TRAPPC10: variants seen among roughly 807,000 people sequenced by gnomAD.
The protein encoded by TRAPPC10 is trafficking protein particle complex subunit 10.
A neutral mutation model predicts 125.5 loss-of-function variants in TRAPPC10; 23 were observed. The observed-to-expected ratio is 0.18, with a 90% confidence interval of 0.13 to 0.26. The LOEUF is 0.26. Ranked by LOEUF, TRAPPC10 falls within the 10% of genes least tolerant of loss-of-function variation. The pLI is 1.00. For synonymous variants in TRAPPC10, 509 were observed against 518.0 expected, an observed-to-expected ratio of 0.98 and a Z score of 0.24; for missense variants, 1,123 against 1,308.4, an observed-to-expected ratio of 0.86 and a Z score of 2.19.
At position 44,087,897 on chromosome 21, in the gene TRAPPC10, C is replaced by T. The variant is rs1346529368; in HGVS notation, c.2738C>T (p.Thr913Ile). The T allele has an allele frequency of 6.2e-7, 1 of 1,613,960 alleles. No homozygotes were observed. The highest frequency in any genetic ancestry group is 8.5e-7 in the Non-Finnish European group (1 of 1,180,018). ...PHRKHKDKQR[T>I]GRCMVTTDHK... ...AGGAAGCATAAGGACAAACAGAGAA[C>T]TGGCCGCTGCATGGTTACCACAGAC... Residue 913 changes from threonine (T) to isoleucine (I), a missense_variant, in exon 17 of 23, where the codon ACT (threonine) becomes ATT (isoleucine). Coordinates refer to ENST00000291574, the MANE Select transcript of TRAPPC10 (RefSeq NM_003274.5). The surrounding 1 kb of genome is among the most constrained non-coding windows in gnomAD (Gnocchi z 4.6).
chr21:44,029,506 A>G (rs1393268528), intron 1 of TRAPPC10, among the ~76,000 whole-genome samples: 3 of 152,230 alleles, frequency 2.0e-5, no homozygotes, highest in African/African-American at 7.2e-5. Context: ...ATGGTTGTAT[A>G]TGCTGAGAAA....
intron 15 of TRAPPC10, among the ~76,000 whole-genome samples, chr21:44,084,831 T>C (rs1262710322): frequency 1.3e-5 from 2 of 152,186 alleles, no homozygotes; most frequent in Non-Finnish European, 2.9e-5. Flanking sequence ...TTTGATGAAT[T>C]TGTTAGAACA....
intron 3 of TRAPPC10, among the ~76,000 whole-genome samples, chr21:44,044,316 C>CTT (rs35194707): frequency 0.013 from 1,823 of 144,030 alleles, 38 homozygotes; most frequent in African/African-American, 0.044. Flanking sequence ...TTCTAATAGC[C>CTT]TTTTTTTTTT....
At chr21:44,028,411 G>A (rs1175212029) in intron 1 of TRAPPC10, among the ~76,000 whole-genome samples, 1 of 152,152 alleles carries the variant, frequency 6.6e-6, no homozygotes, top group Non-Finnish European at 1.5e-5. Context: ...GTGTCCCTCT[G>A]GGTGGCTGCT....
chr21:44,021,406 AAGAG>A (rs1201470516), intron 1 of TRAPPC10, among the ~76,000 whole-genome samples: 1 of 152,210 alleles, frequency 6.6e-6, no homozygotes, highest in East Asian at 1.9e-4. Context: ...AAAAAAGAAA[AAGAG>A]AAGGATAAGG....
intron 7 of TRAPPC10, among the ~76,000 whole-genome samples, chr21:44,069,802 G>A (rs2036724463): frequency 6.6e-6 from 1 of 152,170 alleles, no homozygotes; most frequent in Non-Finnish European, 1.5e-5. Context: ...CCTGTAGTGT[G>A]CTAGGGTACA....
At chr21:44,086,323 G>C (rs2242949) in intron 15 of TRAPPC10, among the ~76,000 whole-genome samples, 4 of 152,196 alleles carry the variant, frequency 2.6e-5, no homozygotes, top group Admixed American at 6.5e-5. Flanking sequence ...CTTGGAGTGA[G>C]GGGGAGCCAC....
At chr21:44,037,958 G>A (rs777833321) in intron 3 of TRAPPC10, 31 bp downstream of exon 3, 1 of 1,608,204 alleles carries the variant, frequency 6.2e-7, no homozygotes, top group Non-Finnish European at 8.5e-7. Flanking sequence ...AGGATGCGCG[G>A]TGGGATGGGG....
chr21:44,070,632 G>A (rs1037320512), intron 7 of TRAPPC10, among the ~76,000 whole-genome samples: 1 of 152,250 alleles, frequency 6.6e-6, no homozygotes, highest in African/African-American at 2.4e-5. Flanking sequence ...TTAGGAGCAA[G>A]GGGCTGACAT....
At chr21:44,071,949 C>T (rs751374131) in intron 7 of TRAPPC10, among the ~76,000 whole-genome samples, 7 of 152,172 alleles carry the variant, frequency 4.6e-5, no homozygotes, top group Admixed American at 4.6e-4. Context: ...GACCTGCCTG[C>T]TCTCTCCCAC....
At chr21:44,094,817 C>G (rs2038817132) in intron 20 of TRAPPC10, among the ~76,000 whole-genome samples, 2 of 151,996 alleles carry the variant, frequency 1.3e-5, no homozygotes, top group South Asian at 4.1e-4. Flanking sequence ...ACTTTCTTTT[C>G]TTCTCTTTAC....
intron 3 of TRAPPC10, among the ~76,000 whole-genome samples, chr21:44,045,836 G>C (rs1000806558): frequency 6.6e-6 from 1 of 152,102 alleles, no homozygotes; most frequent in Admixed American, 6.6e-5. Context: ...GATTACAGGC[G>C]TGAGCCACCG....
chr21:44,038,837 C>A (rs2034188739), intron 3 of TRAPPC10, among the ~76,000 whole-genome samples: 2 of 152,182 alleles, frequency 1.3e-5, no homozygotes, highest in African/African-American at 4.8e-5. Flanking sequence ...TGCACCCTTT[C>A]TCTGCTGACT....
At position 44,094,082 on chromosome 21, in the gene TRAPPC10, C is replaced by G. The variant is rs766181697; in HGVS notation, c.3017C>G (p.Ser1006Trp). 1.2e-6 allele frequency: 2 copies of G among 1,613,816 alleles called. No individual in the cohort carries two copies. The highest frequency in any genetic ancestry group is 8.5e-7 in the Non-Finnish European group (1 of 1,179,932). ...QSQQPIYSKQ[S>W]VFFVWELKWT... ...TTCCAGCCCATCTACAGCAAGCAGTCGGTGTTCTTCGTCTGGGAACTCAAG... is the reference window on the plus strand; with the variant it reads ...TTCCAGCCCATCTACAGCAAGCAGTGGGTGTTCTTCGTCTGGGAACTCAAG... The change falls in exon 20 of 23, where the codon TCG (serine) becomes TGG (tryptophan). Residue 1006 changes from serine (S) to tryptophan (W), a missense_variant. Transcript: ENST00000291574.
At position 44,025,821 on chromosome 21, in the gene TRAPPC10, GGTGTGTGTGTGTGTGTGTGTGTGT is replaced by G. The variant is rs59898602; in HGVS notation, c.68-6233_68-6210del. ...CTGGGAGAGAGCAGCAGAGGGCAGG[GGTGTGTGTGTGTGTGTGTGTGTGT>G]GTGTGTGTGTGTGTGTGTGTGTGTG... On this transcript the variant is annotated intron_variant, in intron 1 of 22. Transcript: ENST00000291574. 3.6e-3 allele frequency among the ~76,000 whole-genome samples: 397 copies of G among 109,944 alleles called. 6 individuals are homozygous for G. Among genetic ancestry groups the G allele is most frequent in the Middle Eastern group, 0.028 (6 of 216 alleles). The allele number at this position is 109,944 out of a possible 152,430, so 72.1% of individuals were successfully genotyped here.
At chr21:44,041,397 A>G (rs1420996070) in intron 3 of TRAPPC10, among the ~76,000 whole-genome samples, 5 of 149,594 alleles carry the variant, frequency 3.3e-5, no homozygotes. Context: ...TTTTTTTGCG[A>G]TGGAGTTTCG....
chr21:44,065,778 T>A (rs946431273), intron 7 of TRAPPC10, among the ~76,000 whole-genome samples: 2 of 152,238 alleles, frequency 1.3e-5, no homozygotes, highest in Non-Finnish European at 2.9e-5. Context: ...CTGTGTTTGA[T>A]CAACACTGAG....
chr21:44,075,239 C>T, intron 9 of TRAPPC10, 86 bp downstream of exon 9: 1 of 977,254 alleles, frequency 1.0e-6, no homozygotes, highest in Admixed American at 2.0e-5. Flanking sequence ...AACCGAAGTT[C>T]TAAGAGTAAT....
At chr21:44,024,656 A>T (rs1364086607) in intron 1 of TRAPPC10, among the ~76,000 whole-genome samples, 1 of 152,180 alleles carries the variant, frequency 6.6e-6, no homozygotes, top group Admixed American at 6.5e-5. Context: ...TTATACCACT[A>T]AATGTATATG....
Sources: allele counts gnomAD v4.1 joint callset (sites outside exome capture counted in the v4.1 genomes callset), GRCh38; gene constraint gnomAD v4.1.1; non-coding constraint Gnocchi (gnomAD v3.1); transcripts MANE v1.5; gene names NCBI Gene and HGNC (gene_info 2026-07-23, HGNC 2026-07-21).